The following SUN1 variants were observed in gnomAD, a reference collection of about 807,000 sequenced individuals.
SUN1 encodes Sad1 and UNC84 domain containing 1, also known as SUN domain-containing protein 1.
Under a neutral mutation model 103.2 loss-of-function variants are expected in SUN1, and 61 were observed. The ratio of observed to expected loss-of-function variants is 0.59; its 90% CI spans 0.48 to 0.73. The LOEUF is 0.73. SUN1 is among the 30% of genes least tolerant of loss of function. SUN1 has a pLI of 0.00. For synonymous variants in SUN1, 490 were observed against 425.7 expected, an observed-to-expected ratio of 1.15 and a Z score of -1.86; for missense variants, 1,052 against 1,034.6, an observed-to-expected ratio of 1.02 and a Z score of -0.23.
At chr7:870,222 A>AT (rs1840505551) in intron 17 of SUN1, among the ~76,000 whole-genome samples, 2 of 150,832 alleles carry the variant, frequency 1.3e-5, no homozygotes, top group Admixed American at 1.3e-4. Flanking sequence ...AAAAAAAAAA[A>AT]ATTACAGTTG....
Position 842,131 on chromosome 7 carries a change from G to A in SUN1, c.451+1G>A, listed in dbSNP as rs1301419930. On this transcript the variant is annotated splice_donor_variant, in intron 3 of 18. Transcript: ENST00000401592. LOFTEE classifies it high-confidence loss of function. ...CAGACCACAGTGGACCACTTCTGGG[G>A]TGAGTCCCTGCGAGACACAGATTGT... 1 of 1,610,220 alleles carries A rather than the reference G, an allele frequency of 6.2e-7. No homozygotes were observed. The highest frequency in any genetic ancestry group is 1.3e-5 in the African/African-American group (1 of 74,872).
chr7:835,417 T>G (rs1313799084), intron 1 of SUN1, among the ~76,000 whole-genome samples: 1 of 152,266 alleles, frequency 6.6e-6, no homozygotes, highest in Non-Finnish European at 1.5e-5. Context: ...ATCATCCCAG[T>G]CATTTAAAAG....
intron 1 of SUN1, among the ~76,000 whole-genome samples, chr7:835,873 C>T (rs1802576519): frequency 6.6e-6 from 1 of 152,218 alleles, no homozygotes; most frequent in African/African-American, 2.4e-5. Context: ...GGGCTGGAGA[C>T]ATGAGGGTCC....
chr7:858,885 C>T (rs1231830186), intron 13 of SUN1, among the ~76,000 whole-genome samples: 2 of 152,108 alleles, frequency 1.3e-5, no homozygotes, highest in African/African-American at 2.4e-5. Context: ...CCGGGCGCCG[C>T]GGCTCACGCC....
Position 841,969 on chromosome 7 carries a change from CAAACAA to C in SUN1, c.292_297del (p.Asn98_Lys99del). The C allele has an allele frequency of 6.2e-7, 1 of 1,614,130 alleles. No individual in the cohort carries two copies. The highest frequency in any genetic ancestry group is 8.5e-7 in the Non-Finnish European group (1 of 1,180,026). On this transcript the variant is annotated inframe_deletion, in exon 3 of 19. Coordinates refer to ENST00000401592, the MANE Select transcript of SUN1 (RefSeq NM_001130965.3). ...AGAACAACAAAACAGCGCAGAAGCA[CAAACAA>C]ATCAGCTTTTAGTATCAACCACGTG...
chr7:816,187 CCCT>C, upstream of SUN1: 1 of 275,720 alleles, frequency 3.6e-6, no homozygotes, highest in Non-Finnish European at 6.4e-6. Context: ...CGATGCAGAC[CCCT>C]CCCCCAGGTG....
rs369117433 is a variant in SUN1 at position 860,134 on chromosome 7, G to A, written c.1531G>A (p.Val511Met). The A allele has an allele frequency of 4.0e-5, 65 of 1,613,908 alleles. No homozygotes were observed. The African/African-American group carries it at 4.4e-4, about 11-fold the overall frequency. Residue 511 changes from valine (V) to methionine (M), a missense_variant, in exon 14 of 19, where the codon GTG becomes ATG. Val to Met is a conservative substitution (Grantham distance 21, BLOSUM62 1). Transcript: ENST00000401592. ...TVDAVQERVD[V>M]QVREMVKLLF... ...CCGTCTGCTGTTTTACTAGGTGGAC[G>A]TGCAAGTCAGAGAAATGGTGAAACT...
At chr7:825,292 G>A (rs1790630080) in intron 1 of SUN1, among the ~76,000 whole-genome samples, 1 of 152,178 alleles carries the variant, frequency 6.6e-6, no homozygotes, top group Non-Finnish European at 1.5e-5. Context: ...TTGATCTCCT[G>A]ACCTTGTGAT....
At chr7:823,615 C>A (rs116092916) in intron 1 of SUN1, among the ~76,000 whole-genome samples, 2 of 152,122 alleles carry the variant, frequency 1.3e-5, no homozygotes, top group Non-Finnish European at 2.9e-5. Flanking sequence ...GCACCAGTGC[C>A]GTGTGTGCAG....
chr7:870,785 G>A (rs973889080), intron 17 of SUN1, among the ~76,000 whole-genome samples: 6 of 152,012 alleles, frequency 3.9e-5, no homozygotes, highest in Middle Eastern at 3.2e-3. Context: ...AATTCCCGTG[G>A]ACGAGACACT....
At chr7:820,847 GT>G (rs1785200531) in intron 1 of SUN1, among the ~76,000 whole-genome samples, 1 of 152,108 alleles carries the variant, frequency 6.6e-6, no homozygotes, top group Non-Finnish European at 1.5e-5. Flanking sequence ...TGAGTATTCA[GT>G]TTCTCCTGTA....
At chr7:847,494 C>A (rs563482555) in intron 5 of SUN1, among the ~76,000 whole-genome samples, 1 of 102,962 alleles carries the variant, frequency 9.7e-6, no homozygotes, top group South Asian at 3.6e-4. Flanking sequence ...TACCCCACAG[C>A]GCCGTGCGCC....
rs778801320 is a variant in SUN1, at chr7:838,880, C to T, written c.160C>T (p.Arg54Cys). ...ATTTGATTCTCCACGGATGTCCCGC[C>T]GTAGTTTGCGCCTGGCCACGACAGC... is the stretch of plus-strand genomic sequence containing the variant. ...PVFDSPRMSR[R>C]SLRLATTACT... is the part of the protein sequence containing the mutation. The change falls in exon 2 of 19, where the codon CGT (arginine) becomes TGT (cysteine). Residue 54 changes from arginine to cysteine, a missense_variant. Coordinates refer to ENST00000401592, the MANE Select transcript of SUN1 (RefSeq NM_001130965.3). 26 of 1,606,808 alleles carry T rather than the reference C, an allele frequency of 1.6e-5. No individual in the cohort carries two copies. The highest frequency in any genetic ancestry group is 1.6e-4 in the African/African-American group (12 of 74,878).
rs777759377 is a variant in SUN1, at chr7:838,945, C to T, written c.225C>T (p.Ser75=). ...ATGGTGAGGCTGTGGGTGCCGACAG[C>T]GGCACCAGCAGCGCTGTCTCCCTGA... ...LGDGEAVGAD[S]GTSSAVSLKN... Residue 75 remains serine (S), a synonymous_variant, in exon 2 of 19, where the codon AGC becomes AGT. Transcript: ENST00000401592. 25 of 1,607,662 alleles carry T rather than the reference C, an allele frequency of 1.6e-5. No homozygotes were observed. In the Admixed American group the frequency reaches 2.9e-4, roughly 18 times the overall value.
intron 1 of SUN1, among the ~76,000 whole-genome samples, chr7:818,677 T>G (rs1261580825): frequency 6.6e-6 from 1 of 152,200 alleles, no homozygotes; most frequent in African/African-American, 2.4e-5. Flanking sequence ...TGAGTTCACT[T>G]TCTCCACATC....
intron 7 of SUN1, chr7:852,334 C>G (rs1822991786): frequency 1.7e-6 from 1 of 595,566 alleles, no homozygotes; most frequent in Admixed American, 3.0e-5. Flanking sequence ...CCAGTGGCAT[C>G]AGTCACCTCA....
At chr7:848,175 G>A (rs1428577534) in intron 5 of SUN1, among the ~76,000 whole-genome samples, 1 of 145,018 alleles carries the variant, frequency 6.9e-6, no homozygotes, top group Non-Finnish European at 1.5e-5. Flanking sequence ...TTACTCTGCA[G>A]CACCCTCTCC....
intron 1 of SUN1, among the ~76,000 whole-genome samples, chr7:817,884 A>T (rs112832215): frequency 6.6e-6 from 1 of 151,986 alleles, no homozygotes; most frequent in Non-Finnish European, 1.5e-5. Flanking sequence ...GGCTGGCTTT[A>T]TAATTTTCTT....
intron 15 of SUN1, among the ~76,000 whole-genome samples, chr7:864,181 G>GA (rs1482626715): frequency 3.9e-5 from 6 of 152,118 alleles, no homozygotes; most frequent in Non-Finnish European, 7.4e-5. Flanking sequence ...AGTACATCAT[G>GA]AAAAATGGGG....
Sources: gnomAD v4.1 joint callset for allele counts (sites outside exome capture counted in the v4.1 genomes callset) on GRCh38, gnomAD v4.1.1 for gene constraint, MANE v1.5 for transcripts, NCBI Gene and HGNC (gene_info 2026-07-23, HGNC 2026-07-21) for gene names.